The following OPRM1 variants were observed in gnomAD, a reference collection of about 807,000 sequenced individuals.
OPRM1 encodes the protein mu-type opioid receptor.
In OPRM1, 27 loss-of-function variants were observed where a neutral mutation model predicts 31.8. That is an observed-to-expected ratio of 0.85 (90% confidence interval 0.63 to 1.17). The LOEUF (loss-of-function observed/expected upper bound fraction) is 1.17. Ranked by LOEUF, OPRM1 falls within the 50% of genes most tolerant of loss-of-function variation. The pLI is 0.00. For synonymous variants in OPRM1, 196 were observed against 189.9 expected, an observed-to-expected ratio of 1.03 and a Z score of -0.26; for missense variants, 536 against 511.1, an observed-to-expected ratio of 1.05 and a Z score of -0.47.
chr6:154,086,005 C>T (rs1313292752), intron 1 of OPRM1, among the ~76,000 whole-genome samples: 1 of 151,454 alleles, frequency 6.6e-6, no homozygotes, highest in African/African-American at 2.4e-5. Flanking sequence ...CTGCCACCAC[C>T]CCCAGCTAAT....
downstream of OPRM1, among the ~76,000 whole-genome samples, chr6:154,135,528 T>TAGATAC (rs1798040453): frequency 6.6e-6 from 1 of 151,548 alleles, no homozygotes; most frequent in Non-Finnish European, 1.5e-5. Context: ...GATATAGATA[T>TAGATAC]AGATATAGAT....
chr6:154,223,282 C>T, intron 3 of OPRM1: 7 of 1,450,896 alleles, frequency 4.8e-6, no homozygotes, highest in Non-Finnish European at 6.7e-6. Flanking sequence ...ATGAATGCAT[C>T]AATCCTGGGG....
chr6:154,231,904 T>G (rs1169347408), intron 3 of OPRM1, among the ~76,000 whole-genome samples: 1 of 152,234 alleles, frequency 6.6e-6, no homozygotes, highest in Non-Finnish European at 1.5e-5. Flanking sequence ...CCTAATTGAA[T>G]GTAAACATGG....
intron 3 of OPRM1, among the ~76,000 whole-genome samples, chr6:154,195,558 A>T (rs1468723795): frequency 6.6e-6 from 1 of 151,968 alleles, no homozygotes; most frequent in Non-Finnish European, 1.5e-5. Flanking sequence ...CCTCAACCAA[A>T]TGTCCTTTCC....
rs540161604 is a variant in OPRM1, at chr6:154,242,883, G to A, written c.1165-3810G>A. Among the ~76,000 whole-genome samples, 406 of 49,008 alleles carry A rather than the reference G, an allele frequency of 8.3e-3. 2 individuals carry two copies. Among genetic ancestry groups the A allele is most frequent in the African/African-American group, 0.031 (379 of 12,318 alleles). The allele number at this position is 49,008 out of a possible 152,430, so 32.2% of individuals were successfully genotyped here. ...AGCCTGGGCCATAGAGCAAGACTCC[G>A]TCTCAAAGAAAAGAAAAGAAAAGTA... On this transcript the variant is annotated intron_variant, in intron 3 of 3. Coordinates refer to the OPRM1 transcript ENST00000337049.
chr6:154,127,276 A>G lies in OPRM1; in HGVS notation c.*8555A>G, dbSNP rs117147247. On this transcript the variant is annotated 3_prime_UTR_variant, in exon 4 of 4. Transcript: ENST00000330432. ...TGCTTTGAAATCAGTGGCCATTATC[A>G]TCTAAGGATTCCGCCAGAGACTTCC... 0.021 allele frequency among the ~76,000 whole-genome samples: 3,216 copies of G among 152,248 alleles called. 44 individuals are homozygous for G. Among genetic ancestry groups the G allele is most frequent in the Non-Finnish European group, 0.032 (2,209 of 68,030 alleles).
chr6:154,017,777 T>C (rs1203379462), intron 1 of OPRM1, among the ~76,000 whole-genome samples: 1 of 152,228 alleles, frequency 6.6e-6, no homozygotes, highest in Non-Finnish European at 1.5e-5. Flanking sequence ...CATCAGCTTC[T>C]GAATTAGAAA....
chr6:154,181,052 G>C (rs1340103034), intron 3 of OPRM1, among the ~76,000 whole-genome samples: 1 of 152,114 alleles, frequency 6.6e-6, no homozygotes, highest in Non-Finnish European at 1.5e-5. Context: ...CTTTACACAT[G>C]TTATTTAATA....
chr6:154,177,354 C>T (rs1396473584), intron 3 of OPRM1, among the ~76,000 whole-genome samples: 1 of 152,144 alleles, frequency 6.6e-6, no homozygotes, highest in African/African-American at 2.4e-5. Context: ...AACAGGCAAC[C>T]TACAGAATGG....
intron 3 of OPRM1, chr6:154,154,947 A>T (rs1291509889): frequency 6.6e-6 from 1 of 151,402 alleles, no homozygotes. Context: ...GGCGATTAAA[A>T]CTCCTGGTTT....
chr6:154,218,205 A>G (rs1778567010), intron 3 of OPRM1, among the ~76,000 whole-genome samples: 1 of 152,228 alleles, frequency 6.6e-6, no homozygotes, highest in South Asian at 2.1e-4. Flanking sequence ...AGTTTGTTGT[A>G]TATTAACTTG....
intron 3 of OPRM1, among the ~76,000 whole-genome samples, chr6:154,179,991 C>T (rs17278409): frequency 0.21 from 32,617 of 152,024 alleles, 3,776 homozygotes; most frequent in Middle Eastern, 0.34. Context: ...AGTAGCAAGG[C>T]CAGCCTGTTA....
At chr6:154,075,145 C>T (rs1041722014) in intron 1 of OPRM1, among the ~76,000 whole-genome samples, 3 of 152,160 alleles carry the variant, frequency 2.0e-5, no homozygotes, top group South Asian at 2.1e-4. Flanking sequence ...TTCATCAACA[C>T]ACTTGGCACA....
upstream of OPRM1, among the ~76,000 whole-genome samples, chr6:154,037,061 A>C (rs1779347080): frequency 6.6e-6 from 1 of 152,028 alleles, no homozygotes; most frequent in South Asian, 2.1e-4. Flanking sequence ...AGAATCATGA[A>C]TTGGATCTAA....
chr6:154,093,587 G>GT, intron 3 of OPRM1: 1 of 1,481,666 alleles, frequency 6.7e-7, no homozygotes, highest in Non-Finnish European at 8.9e-7. Flanking sequence ...TAACTAAAAG[G>GT]TTTGCTTTAA....
chr6:154,039,349 G>A lies in OPRM1; in HGVS notation c.-196G>A, dbSNP rs1562384714. ...CTACTAAGGTGGGAGGGGGCTATAC[G>A]CAGAGGAGAATGTCAGATGCTCAGC... On this transcript the variant is annotated 5_prime_UTR_variant, in exon 1 of 4. Coordinates refer to ENST00000330432, the MANE Select transcript of OPRM1 (RefSeq NM_000914.5). 6.5e-7 allele frequency: 1 copy of A among 1,546,430 alleles called. No homozygotes were observed. Among genetic ancestry groups the A allele is most frequent in the Non-Finnish European group, 8.7e-7 (1 of 1,143,988 alleles).
Position 154,060,991 on chromosome 6 carries a change from T to A in OPRM1, c.290+21157T>A, listed in dbSNP as rs556421522. Among the ~76,000 whole-genome samples the A allele has an allele frequency of 6.6e-5, 10 of 152,274 alleles. No individual in the cohort carries two copies. The South Asian group carries it at 1.4e-3, about 22-fold the overall frequency. On this transcript the variant is annotated intron_variant, in intron 1 of 3. Coordinates refer to ENST00000330432, the MANE Select transcript of OPRM1 (RefSeq NM_000914.5). ...ACACTGGTAATAAAATATTGGCAAA[T>A]ATCTCACTCTCACTAAAATGGGTAG... is the stretch of plus-strand genomic sequence containing the variant.
chr6:154,057,142 T>C (rs1303767175), intron 1 of OPRM1, among the ~76,000 whole-genome samples: 2 of 152,240 alleles, frequency 1.3e-5, no homozygotes, highest in South Asian at 2.1e-4. Context: ...TTGAGCAGTT[T>C]GAGTCTCATA....
At chr6:154,114,071 T>C (rs1230248958) in intron 3 of OPRM1, among the ~76,000 whole-genome samples, 2 of 152,136 alleles carry the variant, frequency 1.3e-5, no homozygotes, top group Non-Finnish European at 2.9e-5. Flanking sequence ...GACCCACGTG[T>C]CACCTGCAGC....
Sources: gnomAD v4.1 joint callset for allele counts (sites outside exome capture counted in the v4.1 genomes callset) on GRCh38, gnomAD v4.1.1 for gene constraint, MANE v1.5 for transcripts, NCBI Gene and HGNC (gene_info 2026-07-23, HGNC 2026-07-21) for gene names.